FCHSD2: variants seen among roughly 807,000 people sequenced by gnomAD.
FCHSD2 encodes the protein FCH and double SH3 domains 2.
In FCHSD2, 38 loss-of-function variants were observed where a neutral mutation model predicts 108.1. That is an observed-to-expected ratio of 0.35 (90% confidence interval 0.27 to 0.46). The LOEUF (loss-of-function observed/expected upper bound fraction) is 0.46, where lower values mean the gene tolerates loss of function less well. FCHSD2 is among the 20% of genes least tolerant of loss of function. FCHSD2 has a pLI of 1.00. For synonymous variants in FCHSD2, 279 were observed against 314.7 expected (o/e 0.89, Z 1.20); for missense variants, 751 against 897.8 (o/e 0.84, Z 2.09).
chr11:73,068,812 G>GCAAAAA (rs1859358686), intron 3 of FCHSD2, among the ~76,000 whole-genome samples: 1 of 17,718 alleles, frequency 5.6e-5, no homozygotes, highest in African/African-American at 1.7e-4. Flanking sequence ...TCTACAAAAA[G>GCAAAAA]TAAAAAAAAA....
chr11:73,054,605 A>G, intron 3 of FCHSD2, among the ~76,000 whole-genome samples: 1 of 142,264 alleles, frequency 7.0e-6, no homozygotes, highest in East Asian at 2.2e-4. Flanking sequence ...CAACTACAGG[A>G]GGGGAGGGAG....
intron 5 of FCHSD2, among the ~76,000 whole-genome samples, chr11:72,996,307 G>T (rs1048099702): frequency 6.6e-6 from 1 of 152,090 alleles, no homozygotes; most frequent in African/African-American, 2.4e-5. Context: ...TACTATCAGG[G>T]TTGTGTAAAA....
Position 73,057,530 on chromosome 11 carries a change from A to G in FCHSD2, c.165+26165T>C, listed in dbSNP as rs1327321418. 2.6e-5 allele frequency among the ~76,000 whole-genome samples: 4 copies of G among 152,302 alleles called. 1 individual carries two copies. Among genetic ancestry groups the G allele is most frequent in the Admixed American group, 2.6e-4 (4 of 15,296 alleles). ...GATATAGGTGAATGGAAAGGACAGAAGGGAAGAAGAGAGGAAGGGAGGGAG... is the reference window on the plus strand; with the variant it reads ...GATATAGGTGAATGGAAAGGACAGAGGGGAAGAAGAGAGGAAGGGAGGGAG... On this transcript the variant is annotated intron_variant, in intron 3 of 19. Transcript: ENST00000409418.
At chr11:72,976,112 C>G (rs1166928331) in intron 8 of FCHSD2, among the ~76,000 whole-genome samples, 1 of 152,074 alleles carries the variant, frequency 6.6e-6, no homozygotes, top group African/African-American at 2.4e-5. Flanking sequence ...CAGGGTCTAG[C>G]AATAGTTTTT....
At chr11:72,936,884 A>G (rs1856313831) in intron 8 of FCHSD2, among the ~76,000 whole-genome samples, 1 of 152,218 alleles carries the variant, frequency 6.6e-6, no homozygotes, top group Non-Finnish European at 1.5e-5. Context: ...TATTAAAAAT[A>G]GGCGATTTAA....
chr11:72,889,573 C>T (rs1855271645), intron 11 of FCHSD2, among the ~76,000 whole-genome samples: 1 of 152,102 alleles, frequency 6.6e-6, no homozygotes, highest in Admixed American at 6.5e-5. Flanking sequence ...TTTAGCCAGG[C>T]ATAGTGGCAT....
chr11:72,890,023 A>T, intron 10 of FCHSD2, 78 bp from the exon 11 acceptor site: 1 of 841,690 alleles, frequency 1.2e-6, no homozygotes, highest in Non-Finnish European at 1.9e-6. Flanking sequence ...ATGGATCAGA[A>T]GGCCTTCACT....
rs544451849 is a variant in FCHSD2, at chr11:73,045,048, C to T, written c.166-29163G>A. ...TCGCTCCACTGCACTCCAGCCTGGG[C>T]GACAGAGCAAGACTCCATCTCAAAA... On this transcript the variant is annotated intron_variant, in intron 3 of 19. Coordinates refer to ENST00000409418, the MANE Select transcript of FCHSD2 (RefSeq NM_014824.3). 2.2e-4 allele frequency among the ~76,000 whole-genome samples: 31 copies of T among 143,404 alleles called. No individual in the cohort carries two copies. In the East Asian group the frequency reaches 5.3e-3, roughly 24 times the overall value. 94.1% of individuals were successfully genotyped at this position (143,404 alleles called of 152,430 possible). A position where few individuals can be genotyped will look rare whatever the true frequency, so the allele number is the denominator to read the frequency against.
chr11:72,989,008 T>C lies in FCHSD2; in HGVS notation c.477A>G (p.Glu159=). Residue 159 remains glutamate (E), a synonymous_variant, in exon 6 of 20, where the codon GAA becomes GAG. Coordinates refer to ENST00000409418, the MANE Select transcript of FCHSD2 (RefSeq NM_014824.3). ...AKGKKKYFET[E]QMAHAVREKA... is the part of the protein sequence containing the mutation. ...TCTCTCGTACTGCATGAGCCATCTG[T>C]TCAGTCTCAAAGTATTTCTTTTTGC... The C allele has an allele frequency of 6.2e-7, 1 of 1,612,546 alleles. No individual in the cohort carries two copies. Among genetic ancestry groups the C allele is most frequent in the Middle Eastern group, 1.7e-4 (1 of 6,060 alleles).
At chr11:72,839,547 C>T (rs962468451) in intron 19 of FCHSD2, among the ~76,000 whole-genome samples, 2 of 152,034 alleles carry the variant, frequency 1.3e-5, no homozygotes, top group African/African-American at 4.8e-5. Context: ...GAAAGATTTG[C>T]GAGCTCTCTG....
chr11:72,863,316 C>A (rs1854643834), intron 13 of FCHSD2, among the ~76,000 whole-genome samples: 1 of 152,124 alleles, frequency 6.6e-6, no homozygotes, highest in Non-Finnish European at 1.5e-5. Context: ...ACAAAGAACT[C>A]TGACTTATTC....
intron 2 of FCHSD2, among the ~76,000 whole-genome samples, chr11:73,093,835 C>T (rs1860013636): frequency 6.6e-6 from 1 of 152,096 alleles, no homozygotes. Context: ...GAACTCCCGA[C>T]CTCAGGTGAT....
intron 3 of FCHSD2, among the ~76,000 whole-genome samples, chr11:73,032,183 A>C (rs946908669): frequency 2.6e-5 from 4 of 152,178 alleles, no homozygotes; most frequent in African/African-American, 9.7e-5. Flanking sequence ...ATGAGGTTCA[A>C]AAGTAAGAGC....
intron 5 of FCHSD2, among the ~76,000 whole-genome samples, chr11:72,996,666 C>T (rs1238314108): frequency 6.6e-6 from 1 of 151,914 alleles, no homozygotes; most frequent in South Asian, 2.1e-4. Context: ...TTTAAAAAAA[C>T]ATGAACTTTA....
At chr11:72,953,244 A>T (rs1255634400) in intron 8 of FCHSD2, among the ~76,000 whole-genome samples, 4 of 152,226 alleles carry the variant, frequency 2.6e-5, no homozygotes, top group Non-Finnish European at 5.9e-5. Context: ...TAAGGTAGTG[A>T]GGTAAACTCC....
chr11:73,110,499 ATAATC>A, intron 2 of FCHSD2, among the ~76,000 whole-genome samples: 1 of 152,234 alleles, frequency 6.6e-6, no homozygotes, highest in Middle Eastern at 3.4e-3. Flanking sequence ...GTACCCATGA[ATAATC>A]TTTTTAATTT....
intron 14 of FCHSD2, 67 bp from the exon 15 acceptor site, chr11:72,843,599 T>C: frequency 4.1e-6 from 4 of 980,004 alleles, no homozygotes; most frequent in Non-Finnish European, 6.4e-6. Flanking sequence ...GAGCTGATCA[T>C]GACAAAAACT....
At chr11:73,067,326 TGTTGGGG>T (rs1859319858) in intron 3 of FCHSD2, among the ~76,000 whole-genome samples, 1 of 152,016 alleles carries the variant, frequency 6.6e-6, no homozygotes, top group Non-Finnish European at 1.5e-5. Flanking sequence ...CACCAGGGCC[TGTTGGGG>T]GTTGGGGGCT....
chr11:72,898,669 T>C (rs912405540), intron 10 of FCHSD2, among the ~76,000 whole-genome samples: 4 of 152,142 alleles, frequency 2.6e-5, no homozygotes, highest in African/African-American at 9.6e-5. Context: ...TTCAAACTTT[T>C]CTGGCTCTAA....
Sources: allele counts gnomAD v4.1 joint callset (sites outside exome capture counted in the v4.1 genomes callset), GRCh38; gene constraint gnomAD v4.1.1; transcripts MANE v1.5; gene names NCBI Gene and HGNC (gene_info 2026-07-23, HGNC 2026-07-21).